Variants in IL1RAPL1 observed in about 807,000 individuals in gnomAD.
The protein encoded by IL1RAPL1 is interleukin 1 receptor accessory protein like 1.
In IL1RAPL1, 3 loss-of-function variants were observed where a neutral mutation model predicts 48.4. The ratio of observed to expected loss-of-function variants is 0.06; its 90% confidence interval spans 0.03 to 0.16. The LOEUF is 0.16. Ranked by LOEUF, IL1RAPL1 falls within the 10% of genes least tolerant of loss-of-function variation. IL1RAPL1 has a pLI of 1.00. For synonymous variants in IL1RAPL1, 185 were observed against 187.7 expected, an observed-to-expected ratio of 0.99 and a Z score of 0.12; for missense variants, 349 against 530.6, an observed-to-expected ratio of 0.66 and a Z score of 3.36.
At chrX:28,762,007 G>T (rs1936179044) in intron 1 of IL1RAPL1, among the ~76,000 whole-genome samples, 1 of 111,539 alleles carries the variant, frequency 9.0e-6, no homozygotes, top group African/African-American at 3.3e-5. Context: ...TGTCAGAATA[G>T]ATGAGAAAAT....
intron 2 of IL1RAPL1, among the ~76,000 whole-genome samples, chrX:28,967,053 T>C (rs1487565014): frequency 8.9e-6 from 1 of 112,094 alleles, no homozygotes; most frequent in Non-Finnish European, 1.9e-5. Context: ...CAATGACCAA[T>C]GGGCAAAAGC....
intron 1 of IL1RAPL1, among the ~76,000 whole-genome samples, chrX:28,679,537 G>A (rs1935034127): frequency 9.0e-6 from 1 of 110,727 alleles, no homozygotes; most frequent in African/African-American, 3.3e-5. Context: ...TCATTGGCAG[G>A]AGCAATATCA....
chrX:29,303,565 A>G (rs1932571248), intron 3 of IL1RAPL1, among the ~76,000 whole-genome samples: 1 of 111,936 alleles, frequency 8.9e-6, no homozygotes. Flanking sequence ...TGAATCTTGG[A>G]TGATACTCTT....
chrX:29,375,287 G>A (rs1372690138), intron 3 of IL1RAPL1, among the ~76,000 whole-genome samples: 11 of 104,582 alleles, frequency 1.1e-4, no homozygotes, highest in African/African-American at 3.5e-4. Context: ...TTAGCCTCCT[G>A]AGTAGCTGGG....
At chrX:29,633,747 T>C (rs964400625) in intron 5 of IL1RAPL1, among the ~76,000 whole-genome samples, 1 of 111,742 alleles carries the variant, frequency 8.9e-6, no homozygotes, top group African/African-American at 3.3e-5. Flanking sequence ...TCTTTGTTAT[T>C]CATTGGCTTA....
At chrX:29,014,445 A>G (rs1926195179) in intron 2 of IL1RAPL1, among the ~76,000 whole-genome samples, 1 of 111,049 alleles carries the variant, frequency 9.0e-6, no homozygotes, top group African/African-American at 3.3e-5. Flanking sequence ...TATACTCTTA[A>G]CCCCCACATG....
chrX:28,693,407 A>T (rs1479270257), intron 1 of IL1RAPL1, among the ~76,000 whole-genome samples: 1 of 112,578 alleles, frequency 8.9e-6, no homozygotes, highest in Non-Finnish European at 1.9e-5. Context: ...CTTTACTTTA[A>T]AAAGCATATG....
intron 1 of IL1RAPL1, among the ~76,000 whole-genome samples, chrX:28,695,716 G>C (rs1235209934): frequency 2.7e-5 from 3 of 111,796 alleles, no homozygotes; most frequent in Non-Finnish European, 3.8e-5. Context: ...AGTATCTACT[G>C]TATACTAGCA....
chrX:29,554,471 T>C (rs1199755000), intron 5 of IL1RAPL1, among the ~76,000 whole-genome samples: 3 of 111,497 alleles, frequency 2.7e-5, no homozygotes, highest in Non-Finnish European at 3.8e-5. Context: ...CGTATTTTCT[T>C]TTTTCAAACT....
chrX:28,708,006 A>G (rs1935395633), intron 1 of IL1RAPL1, among the ~76,000 whole-genome samples: 1 of 111,608 alleles, frequency 9.0e-6, no homozygotes, highest in African/African-American at 3.3e-5. Context: ...AATCTTTGAA[A>G]TGGAGCTGGA....
At chrX:29,910,458 A>G in intron 6 of IL1RAPL1, among the ~76,000 whole-genome samples, 1 of 111,861 alleles carries the variant, frequency 8.9e-6, no homozygotes, top group East Asian at 2.8e-4. Flanking sequence ...CCCATTGTAT[A>G]TTCTTGTTTA....
chrX:29,190,330 A>C (rs1478473781), intron 2 of IL1RAPL1, among the ~76,000 whole-genome samples: 1 of 111,750 alleles, frequency 8.9e-6, no homozygotes, highest in Non-Finnish European at 1.9e-5. Flanking sequence ...AAAAGTACTA[A>C]ATGGGTATAA....
intron 2 of IL1RAPL1, among the ~76,000 whole-genome samples, chrX:29,104,457 T>C (rs1334844378): frequency 9.0e-6 from 1 of 110,962 alleles, no homozygotes; most frequent in Non-Finnish European, 1.9e-5. Context: ...AGTAGAATGA[T>C]GGTTACCAGA....
At chrX:29,477,565 T>C (rs1216052472) in intron 5 of IL1RAPL1, among the ~76,000 whole-genome samples, 1 of 112,483 alleles carries the variant, frequency 8.9e-6, no homozygotes, top group East Asian at 2.8e-4. Flanking sequence ...CAGCAATAGC[T>C]AACACTTCTT....
chrX:29,173,984 G>A (rs2147514951), intron 2 of IL1RAPL1, among the ~76,000 whole-genome samples: 1 of 109,650 alleles, frequency 9.1e-6, no homozygotes, highest in East Asian at 2.9e-4. Flanking sequence ...GCAATGGAAC[G>A]ATCTCGGCTC....
At chrX:29,456,594 T>C (rs1292183135) in intron 5 of IL1RAPL1, among the ~76,000 whole-genome samples, 2 of 110,763 alleles carry the variant, frequency 1.8e-5, no homozygotes, top group Non-Finnish European at 3.8e-5. Context: ...GCAGAAGATA[T>C]AATAATAAAA....
chrX:29,069,628 AACACACACACACACAC>A (rs56373899), intron 2 of IL1RAPL1, among the ~76,000 whole-genome samples: 4 of 83,718 alleles, frequency 4.8e-5, no homozygotes, highest in Non-Finnish European at 7.1e-5. Flanking sequence ...TTTCCTATAG[AACACACACACACACAC>A]ACACACACAC....
intron 6 of IL1RAPL1, among the ~76,000 whole-genome samples, chrX:29,877,449 A>G (rs925973084): frequency 7.1e-5 from 8 of 112,015 alleles, no homozygotes; most frequent in Non-Finnish European, 9.4e-5. Context: ...AAGTTTGTAG[A>G]AGGGTCAAAA....
intron 5 of IL1RAPL1, among the ~76,000 whole-genome samples, chrX:29,474,029 T>C (rs1315973891): frequency 8.9e-6 from 1 of 111,948 alleles, no homozygotes; most frequent in Non-Finnish European, 1.9e-5. Context: ...ATCCTTTCAC[T>C]TGACTGCATC....
Sources: gnomAD v4.1 joint callset for allele counts (sites outside exome capture counted in the v4.1 genomes callset) on GRCh38, gnomAD v4.1.1 for gene constraint, MANE v1.5 for transcripts, NCBI Gene and HGNC (gene_info 2026-07-23, HGNC 2026-07-21) for gene names.